The following AGBL1 variants were observed in gnomAD, a reference collection of about 807,000 sequenced individuals.
AGBL1 encodes cytosolic carboxypeptidase 4.
AGBL1 carries 130 observed loss-of-function variants against 118.9 expected under a neutral mutation model. That is an observed-to-expected ratio of 1.09 (90% CI 0.95 to 1.26). The LOEUF is 1.26. Ranked by LOEUF, AGBL1 falls within the 50% of genes most tolerant of loss-of-function variation. The pLI is 0.00. For missense variants in AGBL1, 1,584 were observed against 1,298.1 expected (o/e 1.22, Z -3.38); for synonymous variants, 555 against 478.9 (o/e 1.16, Z -2.08).
At chr15:86,395,399 T>C (rs1040058816) in intron 17 of AGBL1, among the ~76,000 whole-genome samples, 1 of 152,086 alleles carries the variant, frequency 6.6e-6, no homozygotes, top group African/African-American at 2.4e-5. Context: ...GTGAATACCA[T>C]CACATCTTTG....
rs201368378 is a variant in AGBL1 at position 86,460,886 on chromosome 15, A to G, written c.2556-61924A>G. On this transcript the variant is annotated intron_variant, in intron 18 of 22. Coordinates refer to ENST00000614907, the MANE Select transcript of AGBL1 (RefSeq NM_001386094.1). ...ATACCACTCTGCCTCTTGGGTCACA[A>G]CCGCTTGCCATTTTCTACTATTAAC... Among the ~76,000 whole-genome samples, 6 of 152,160 alleles carry G rather than the reference A, an allele frequency of 3.9e-5. No individual in the cohort carries two copies. In the East Asian group the frequency reaches 9.6e-4, roughly 24 times the overall value.
At chr15:86,458,062 TCCCCG>T (rs1405617491) in intron 18 of AGBL1, among the ~76,000 whole-genome samples, 20 of 103,026 alleles carry the variant, frequency 1.9e-4, no homozygotes, top group Admixed American at 1.3e-3. Context: ...AAATACACTG[TCCCCG>T]TATATTGCCA....
intron 21 of AGBL1, among the ~76,000 whole-genome samples, chr15:86,577,025 C>G (rs779314048): frequency 5.3e-5 from 8 of 152,084 alleles, no homozygotes; most frequent in Non-Finnish European, 8.8e-5. Context: ...TGAAAAGATA[C>G]CCAAAAATGT....
At position 86,999,178 on chromosome 15, in the gene AGBL1, A is replaced by G. The variant is rs180759177; in HGVS notation, c.3323+11090A>G. ...CTTCATCCACGTCCCTACAAAAGAC[A>G]TGAACTCATCATTTTTTTAATATAA... is the stretch of plus-strand genomic sequence containing the variant. On this transcript the variant is annotated intron_variant, in intron 24 of 24. Coordinates refer to the AGBL1 transcript ENST00000441037. Among the ~76,000 whole-genome samples, 328 of 148,924 alleles carry G rather than the reference A, an allele frequency of 2.2e-3. 2 individuals are homozygous for G. Among genetic ancestry groups the G allele is most frequent in the Non-Finnish European group, 3.4e-3 (234 of 67,860 alleles).
intron 18 of AGBL1, among the ~76,000 whole-genome samples, chr15:86,513,588 C>T (rs550028901): frequency 7.2e-5 from 11 of 151,992 alleles, no homozygotes; most frequent in Admixed American, 6.6e-4. Context: ...ATAGTTTTAC[C>T]CACTAACTTT....
At chr15:86,128,790 G>T (rs575118133) in intron 1 of AGBL1, among the ~76,000 whole-genome samples, 4 of 152,100 alleles carry the variant, frequency 2.6e-5, no homozygotes, top group African/African-American at 4.8e-5. Context: ...GGGAACTGGG[G>T]TATATGACAA....
At chr15:86,672,499 G>C (rs539205041) in intron 21 of AGBL1, among the ~76,000 whole-genome samples, 84 of 152,208 alleles carry the variant, frequency 5.5e-4, no homozygotes, top group African/African-American at 2.0e-3. Context: ...ATGTGTATGC[G>C]AGTGCTCCTG....
rs765874212 is a variant in AGBL1, at chr15:86,264,741, G to GGC, written c.1570_1571insGC (p.Val524GlyfsTer7). On this transcript the variant is annotated frameshift_variant, in exon 11 of 23. Coordinates refer to ENST00000614907, the MANE Select transcript of AGBL1 (RefSeq NM_001386094.1). LOFTEE classifies it high-confidence loss of function. ...GGCCAAAGCCAGAAGAACCAGCTCTGTGGTGGACTTCAAGATGATGGCATT... is the reference window on the plus strand; with the variant it reads ...GGCCAAAGCCAGAAGAACCAGCTCTGGCTGGTGGACTTCAAGATGATGGCATT... 1.2e-6 allele frequency: 2 copies of GGC among 1,614,010 alleles called. No individual in the cohort carries two copies. Among genetic ancestry groups the GGC allele is most frequent in the South Asian group, 2.2e-5 (2 of 91,086 alleles).
intron 22 of AGBL1, among the ~76,000 whole-genome samples, chr15:86,715,116 T>C (rs1022736913): frequency 6.6e-6 from 1 of 152,156 alleles, no homozygotes; most frequent in African/African-American, 2.4e-5. Context: ...TGTAAGAAAT[T>C]GACCTGGCCC....
intron 7 of AGBL1, among the ~76,000 whole-genome samples, chr15:86,250,777 G>T (rs2078803201): frequency 6.6e-6 from 1 of 152,184 alleles, no homozygotes; most frequent in South Asian, 2.1e-4. Context: ...TGTGAGCACA[G>T]ATGCCCTTGC....
At position 86,914,705 on chromosome 15, in the gene AGBL1, AG is replaced by A. The variant is rs1334001195; in HGVS notation, c.*7413del. 2 of 152,230 alleles carry A rather than the reference AG, an allele frequency of 1.3e-5. No individual in the cohort carries two copies. The highest frequency in any genetic ancestry group is 2.9e-5 in the Non-Finnish European group (2 of 68,040). The allele number at this position is 152,230 out of a possible 1,614,324, so 9.4% of individuals were successfully genotyped here. On this transcript the variant is annotated 3_prime_UTR_variant, in exon 23 of 23. Coordinates refer to ENST00000614907, the MANE Select transcript of AGBL1 (RefSeq NM_001386094.1). ...TTTAAGGGCTAGCCTAAGATGATACAGGTAGTAAGTAGCAGATCACAACCTT... is the reference window on the plus strand; with the variant it reads ...TTTAAGGGCTAGCCTAAGATGATACAGTAGTAAGTAGCAGATCACAACCTT...
Position 86,295,432 on chromosome 15 carries a change from G to A in AGBL1, c.2374+24G>A, listed in dbSNP as rs372810745. On this transcript the variant is annotated intron_variant, in intron 17 of 22. Transcript: ENST00000614907. ...CCGTGAGTAAAATGGGATCCTCTTC[G>A]TAGAAGATTTGACTAAGGGTGTCCT... 1.4e-4 allele frequency: 215 copies of A among 1,533,168 alleles called. 1 individual carries two copies. Among genetic ancestry groups the A allele is most frequent in the East Asian group, 1.1e-3 (47 of 44,028 alleles). The allele number at this position is 1,533,168 out of a possible 1,614,324, so 95.0% of individuals were successfully genotyped here.
At chr15:86,827,466 T>C (rs1487969059) in intron 22 of AGBL1, among the ~76,000 whole-genome samples, 4,407 of 15,358 alleles carry the variant, frequency 0.29, 1,647 homozygotes, top group East Asian at 0.84. Flanking sequence ...TATATATATA[T>C]ATACATATAT....
At chr15:86,991,553 G>A (rs2081335752) in intron 24 of AGBL1, among the ~76,000 whole-genome samples, 1 of 152,100 alleles carries the variant, frequency 6.6e-6, no homozygotes, top group Non-Finnish European at 1.5e-5. Flanking sequence ...AATCCATAAG[G>A]ATGATCTAGG....
chr15:86,790,063 C>T (rs1240408661), intron 22 of AGBL1, among the ~76,000 whole-genome samples: 3 of 152,088 alleles, frequency 2.0e-5, no homozygotes, highest in Non-Finnish European at 2.9e-5. Context: ...CATGATGATG[C>T]ATTCTCATTA....
intron 5 of AGBL1, among the ~76,000 whole-genome samples, chr15:86,179,611 A>G (rs1011179286): frequency 6.6e-6 from 1 of 152,102 alleles, no homozygotes; most frequent in Non-Finnish European, 1.5e-5. Flanking sequence ...TTCATGGTTA[A>G]AAGACTGAAT....
intron 23 of AGBL1, among the ~76,000 whole-genome samples, chr15:86,975,067 T>A (rs1256778647): frequency 2.0e-5 from 3 of 152,064 alleles, no homozygotes; most frequent in African/African-American, 7.2e-5. Flanking sequence ...CAGGACCAAG[T>A]AATCCTCCCC....
At chr15:86,172,388 T>C (rs1209257356) in intron 5 of AGBL1, among the ~76,000 whole-genome samples, 2 of 152,214 alleles carry the variant, frequency 1.3e-5, no homozygotes, top group Non-Finnish European at 2.9e-5. Flanking sequence ...AATCTTCTAG[T>C]TATTTTGAAA....
At chr15:86,729,029 C>G (rs1403159463) in intron 22 of AGBL1, among the ~76,000 whole-genome samples, 1 of 152,144 alleles carries the variant, frequency 6.6e-6, no homozygotes, top group African/African-American at 2.4e-5. Context: ...TGCAACAAAA[C>G]TCTACAGTTT....
Sources: gnomAD v4.1 joint callset for allele counts (sites outside exome capture counted in the v4.1 genomes callset) on GRCh38, gnomAD v4.1.1 for gene constraint, MANE v1.5 for transcripts, NCBI Gene and HGNC (gene_info 2026-07-23, HGNC 2026-07-21) for gene names.